WWC1: variants seen among roughly 807,000 people sequenced by gnomAD.
WWC1 encodes WW and C2 domain containing 1.
In WWC1, 55 loss-of-function variants were observed where a neutral mutation model predicts 138.4. The ratio of observed to expected loss-of-function variants is 0.40; its 90% CI spans 0.32 to 0.50. The LOEUF is 0.50. WWC1 is among the 20% of genes least tolerant of loss of function. WWC1 has a pLI of 0.72. For synonymous variants in WWC1, 524 were observed against 564.9 expected (o/e 0.93, Z 1.03); for missense variants, 1,226 against 1,420.4 (o/e 0.86, Z 2.20).
intron 1 of WWC1, among the ~76,000 whole-genome samples, chr5:168,332,696 G>T (rs909819732): frequency 3.3e-5 from 5 of 151,562 alleles, no homozygotes; most frequent in African/African-American, 1.2e-4. Flanking sequence ...GTATGTTTTT[G>T]GTTTTTTCTT....
chr5:168,391,101 C>T (rs1266435161), intron 3 of WWC1, among the ~76,000 whole-genome samples: 1 of 152,222 alleles, frequency 6.6e-6, no homozygotes, highest in Non-Finnish European at 1.5e-5. Context: ...TAAGGCTCTT[C>T]AGCTACACTT....
chr5:168,428,693 CT>C lies in WWC1; in HGVS notation c.1920-13del, dbSNP rs1436276298. On this transcript the variant is annotated splice_polypyrimidine_tract_variant and intron_variant, in intron 12 of 22. Coordinates refer to ENST00000265293, the MANE Select transcript of WWC1 (RefSeq NM_015238.3). ...GTAGGGAAGCCTAACTCCTCCTCCC[CT>C]GTTGCCTTTCAGACTGGGTGCTTCA... The C allele has an allele frequency of 1.2e-6, 2 of 1,613,764 alleles. No individual in the cohort carries two copies.
chr5:168,405,348 A>T (rs1282896304), intron 5 of WWC1, among the ~76,000 whole-genome samples: 1 of 152,222 alleles, frequency 6.6e-6, no homozygotes, highest in African/African-American at 2.4e-5. Context: ...TACCACCAGC[A>T]TCTTGTGGGG....
rs765500553 is a variant in WWC1 at position 168,444,600 on chromosome 5, C to A, written c.2525+15C>A. ...GAAGACAGCTGGTGAGTGAGCCCGC[C>A]CTTGGGCCCCAGGAGCTGCCCTGCC... On this transcript the variant is annotated intron_variant, in intron 17 of 22. Transcript: ENST00000265293. The A allele has an allele frequency of 8.7e-6, 14 of 1,612,878 alleles. No individual in the cohort carries two copies. The South Asian group carries it at 1.5e-4, about 18-fold the overall frequency.
intron 16 of WWC1, among the ~76,000 whole-genome samples, chr5:168,444,094 C>T (rs1755027370): frequency 6.6e-6 from 1 of 152,196 alleles, no homozygotes; most frequent in Non-Finnish European, 1.5e-5. Flanking sequence ...CCGCTGTTCC[C>T]AAACAGCCAG....
In WWC1 at chr5:168,404,837, C is replaced by A. The variant is rs867343599; in HGVS notation, c.591-1361C>A. Among the ~76,000 whole-genome samples the A allele has an allele frequency of 9.9e-5, 15 of 152,068 alleles. No individual in the cohort carries two copies. The Middle Eastern group carries it at 0.011, about 107-fold the overall frequency. ...CGGCCCTCCTTCTCCAGAAGCTCAC[C>A]CCTGCCTGTCTCTGGTTTGGTCTGA... On this transcript the variant is annotated intron_variant, in intron 5 of 22. Transcript: ENST00000265293.
At position 168,300,317 on chromosome 5, in the gene WWC1, G is replaced by A. The variant is rs184792319; in HGVS notation, c.119+8046G>A. Among the ~76,000 whole-genome samples, 820 of 152,126 alleles carry A rather than the reference G, an allele frequency of 5.4e-3. 4 individuals are homozygous for A. The highest frequency in any genetic ancestry group is 0.018 in the African/African-American group (765 of 41,476). ...GGGGTGGCGGGAGGAGGGGGCAGGC[G>A]TTCACTGTTGTGTGCGGAGAATATT... is the stretch of plus-strand genomic sequence containing the variant. On this transcript the variant is annotated intron_variant, in intron 1 of 22. Transcript: ENST00000265293.
intron 15 of WWC1, among the ~76,000 whole-genome samples, chr5:168,440,360 A>T (rs1158162130): frequency 2.0e-5 from 3 of 152,194 alleles, no homozygotes; most frequent in Admixed American, 6.6e-5. Flanking sequence ...TGTTGGTGGG[A>T]TTATAAGCAC....
intron 11 of WWC1, among the ~76,000 whole-genome samples, chr5:168,426,551 G>A (rs540315345): frequency 1.3e-5 from 2 of 152,350 alleles, no homozygotes; most frequent in East Asian, 1.9e-4. Flanking sequence ...CGCTAAGCAG[G>A]TTATGTGATT....
chr5:168,465,027 C>G (rs2305723), intron 21 of WWC1, 65 bp downstream of exon 21: 105,028 of 1,564,892 alleles, frequency 0.067, 7,975 homozygotes, highest in Admixed American at 0.28. Flanking sequence ...GGGCACTGCC[C>G]CGGGGAAGAG....
intron 15 of WWC1, among the ~76,000 whole-genome samples, chr5:168,436,048 G>C (rs1480217476): frequency 3.3e-5 from 5 of 151,972 alleles, no homozygotes; most frequent in Non-Finnish European, 7.4e-5. Context: ...TCCCCATGTT[G>C]GCCACGCTGG....
intron 1 of WWC1, among the ~76,000 whole-genome samples, chr5:168,358,711 A>T (rs1775643717): frequency 6.6e-6 from 1 of 152,074 alleles, no homozygotes; most frequent in South Asian, 2.1e-4. Flanking sequence ...CTTTTTTCTT[A>T]CAACTTTATT....
chr5:168,431,482 CT>C (rs1781938375), intron 15 of WWC1, 38 bp downstream of exon 15: 2 of 1,544,512 alleles, frequency 1.3e-6, no homozygotes, highest in African/African-American at 2.7e-5. Context: ...GGCTGGCTGG[CT>C]GGCTGGCTGG....
intron 1 of WWC1, among the ~76,000 whole-genome samples, chr5:168,305,319 ACC>A (rs1770456444): frequency 6.6e-6 from 1 of 151,628 alleles, no homozygotes; most frequent in Non-Finnish European, 1.5e-5. Flanking sequence ...GCCACTCTGA[ACC>A]TCCACACTCC....
intron 13 of WWC1, 69 bp from the exon 14 acceptor site, chr5:168,430,068 A>G (rs1350927319): frequency 2.1e-5 from 27 of 1,296,962 alleles, no homozygotes; most frequent in Non-Finnish European, 3.0e-5. Flanking sequence ...GTGACTTTTA[A>G]TGGAGAGAAG....
At chr5:168,410,529 G>A (rs1276564334) in intron 8 of WWC1, among the ~76,000 whole-genome samples, 1 of 152,170 alleles carries the variant, frequency 6.6e-6, no homozygotes, top group African/African-American at 2.4e-5. Context: ...GACATTTTTA[G>A]AGCATCTGTT....
chr5:168,367,119 T>C (rs1460859096), intron 1 of WWC1, among the ~76,000 whole-genome samples: 2 of 151,956 alleles, frequency 1.3e-5, no homozygotes, highest in African/African-American at 4.8e-5. Context: ...CTTAATTGCC[T>C]CTTTATTAAG....
intron 1 of WWC1, among the ~76,000 whole-genome samples, chr5:168,300,778 C>T (rs35270629): frequency 0.11 from 17,444 of 152,162 alleles, 1,238 homozygotes; most frequent in Admixed American, 0.22. Flanking sequence ...CCTCCCCGCC[C>T]AGTGGTGGTT....
intron 3 of WWC1, 145 bp downstream of exon 3, chr5:168,385,559 T>G: frequency 1.3e-6 from 1 of 782,710 alleles, no homozygotes; most frequent in Non-Finnish European, 2.0e-6. Context: ...CTGCTCTTCC[T>G]GCTCCTACCT....
Sources: allele counts gnomAD v4.1 joint callset (sites outside exome capture counted in the v4.1 genomes callset), GRCh38; gene constraint gnomAD v4.1.1; transcripts MANE v1.5; gene names NCBI Gene and HGNC (gene_info 2026-07-23, HGNC 2026-07-21).